Variants in PCDH11Y observed in about 807,000 individuals in gnomAD.
PCDH11Y encodes protocadherin-11 Y-linked.
For missense variants in PCDH11Y, 12 were observed against 224.8 expected (o/e 0.05, Z 6.05); for synonymous variants, 9 against 83.6 (o/e 0.11, Z 4.87).
chrY:5,085,001 A>G, intron 1 of PCDH11Y, among the ~76,000 whole-genome samples: 1 of 32,983 alleles, frequency 3.0e-5, no homozygotes, highest in Non-Finnish European at 7.5e-5. Context: ...GTTCATTTAC[A>G]TTGAATAATA....
chrY:5,585,521 A>G, intron 4 of PCDH11Y, among the ~76,000 whole-genome samples: 1 of 32,705 alleles, frequency 3.1e-5, no homozygotes, highest in East Asian at 8.0e-4. Context: ...ATTTTCTGTC[A>G]TTCCATAGAT....
At chrY:5,259,084 C>A (rs2053014777) in intron 2 of PCDH11Y, among the ~76,000 whole-genome samples, 1 of 33,414 alleles carries the variant, frequency 3.0e-5, no homozygotes, top group Admixed American at 2.7e-4. Context: ...GCCTTGAAAT[C>A]CATTTTGTCT....
intron 2 of PCDH11Y, among the ~76,000 whole-genome samples, chrY:5,384,607 G>C: frequency 3.6e-5 from 1 of 28,167 alleles, no homozygotes; most frequent in Non-Finnish European, 8.3e-5. Context: ...AAAAAAAAAG[G>C]CAATTTAAGA....
intron 3 of PCDH11Y, among the ~76,000 whole-genome samples, chrY:5,514,783 C>T: frequency 3.0e-5 from 1 of 33,054 alleles, no homozygotes; most frequent in Non-Finnish European, 7.5e-5. Context: ...ATTTTCTTTA[C>T]AATGGCTGTA....
At chrY:5,041,885 T>C (rs1602843944) in intron 3 of PCDH11Y, among the ~76,000 whole-genome samples, 1 of 33,352 alleles carries the variant, frequency 3.0e-5, no homozygotes, top group African/African-American at 1.2e-4. Flanking sequence ...TTTCATGTGT[T>C]TTTTGGCTGC....
At chrY:5,562,125 G>A (rs2053429211) in intron 3 of PCDH11Y, among the ~76,000 whole-genome samples, 1 of 33,650 alleles carries the variant, frequency 3.0e-5, no homozygotes, top group African/African-American at 1.2e-4. Flanking sequence ...CCTCAGATAG[G>A]CATCACTTAA....
chrY:5,428,009 C>A, intron 2 of PCDH11Y, among the ~76,000 whole-genome samples: 1 of 32,977 alleles, frequency 3.0e-5, no homozygotes, highest in Non-Finnish European at 7.5e-5. Flanking sequence ...CCTGTAGACA[C>A]ATATAATATG....
At chrY:5,334,808 C>G in intron 2 of PCDH11Y, among the ~76,000 whole-genome samples, 1 of 30,876 alleles carries the variant, frequency 3.2e-5, no homozygotes, top group Non-Finnish European at 7.8e-5. Flanking sequence ...AAATCTTAGA[C>G]TAAGATTTCA....
At chrY:5,380,941 C>G in intron 2 of PCDH11Y, among the ~76,000 whole-genome samples, 1 of 31,562 alleles carries the variant, frequency 3.2e-5, no homozygotes, top group East Asian at 8.3e-4. Flanking sequence ...CTGTCCCCTC[C>G]ATGTCAAGTC....
chrY:5,127,618 A>G, intron 2 of PCDH11Y, among the ~76,000 whole-genome samples: 1 of 33,476 alleles, frequency 3.0e-5, no homozygotes, highest in Non-Finnish European at 7.4e-5. Flanking sequence ...TCTTTTTCAT[A>G]TAATAATTGC....
At chrY:5,230,715 T>G in intron 2 of PCDH11Y, among the ~76,000 whole-genome samples, 1 of 31,525 alleles carries the variant, frequency 3.2e-5, no homozygotes, top group Non-Finnish European at 7.7e-5. Flanking sequence ...TCTGTTATTA[T>G]CCCTTTGAAT....
At chrY:5,683,031 C>A (rs2053560108) in intron 4 of PCDH11Y, among the ~76,000 whole-genome samples, 1 of 33,172 alleles carries the variant, frequency 3.0e-5, no homozygotes, top group African/African-American at 1.2e-4. Context: ...GGTGTGTAAA[C>A]TGCTCTTAAG....
chrY:5,233,578 C>A, intron 2 of PCDH11Y, among the ~76,000 whole-genome samples: 4 of 33,697 alleles, frequency 1.2e-4, no homozygotes, highest in Admixed American at 5.4e-4. Flanking sequence ...AGAAATAGCA[C>A]TTTTAGCCAA....
At chrY:5,425,798 G>T in intron 2 of PCDH11Y, among the ~76,000 whole-genome samples, 1 of 33,260 alleles carries the variant, frequency 3.0e-5, no homozygotes, top group African/African-American at 1.2e-4. Context: ...GATTGATATT[G>T]TTCAGTTAAA....
At chrY:5,248,762 A>G in intron 2 of PCDH11Y, among the ~76,000 whole-genome samples, 1 of 32,794 alleles carries the variant, frequency 3.0e-5, no homozygotes, top group Admixed American at 2.8e-4. Flanking sequence ...ACGGTATTCA[A>G]ATAGGAAGAG....
chrY:5,010,313 A>T (rs1602835309), intron 1 of PCDH11Y, among the ~76,000 whole-genome samples: 6 of 20,634 alleles, frequency 2.9e-4, no homozygotes, highest in African/African-American at 5.8e-4. Flanking sequence ...AATACATTAA[A>T]TTTTTTTAAA....
intron 2 of PCDH11Y, among the ~76,000 whole-genome samples, chrY:5,341,070 T>G: frequency 2.9e-5 from 1 of 34,208 alleles, no homozygotes; most frequent in Non-Finnish European, 7.3e-5. Flanking sequence ...TTTTCTTATT[T>G]TAGCAAATGT....
At chrY:5,102,001 T>C (rs2052780314), downstream of PCDH11Y, among the ~76,000 whole-genome samples, 1 of 33,478 alleles carries the variant, frequency 3.0e-5, no homozygotes, top group African/African-American at 1.2e-4. Flanking sequence ...AACTTTTCTC[T>C]CTGAATCACA....
At position 5,153,492 on chromosome Y, in the gene PCDH11Y, A is replaced by G; in HGVS notation, c.3129+52785A>G. 3.3e-4 allele frequency among the ~76,000 whole-genome samples: 11 copies of G among 33,022 alleles called. No individual in the cohort carries two copies. The East Asian group carries it at 7.4e-3, about 22-fold the overall frequency. 88.6% of individuals were successfully genotyped at this position (33,022 alleles called of 37,273 possible). A position where few individuals can be genotyped will look rare whatever the true frequency, so the allele number is the denominator to read the frequency against. On this transcript the variant is annotated intron_variant, in intron 2 of 4. Transcript: ENST00000400457. Reference sequence around the variant, plus strand: ...AATGACAGAAAGCAAATCGAAATCCATAAAGTAGTAAGAAACTACTTAACT... The same window carrying G: ...AATGACAGAAAGCAAATCGAAATCCGTAAAGTAGTAAGAAACTACTTAACT...
Sources: gnomAD v4.1 joint callset for allele counts (sites outside exome capture counted in the v4.1 genomes callset) on GRCh38, gnomAD v4.1.1 for gene constraint, MANE v1.5 for transcripts, NCBI Gene and HGNC (gene_info 2026-07-23, HGNC 2026-07-21) for gene names.